DOCK4: variants seen among roughly 807,000 people sequenced by gnomAD.
The protein encoded by DOCK4 is dedicator of cytokinesis protein 4.
Under a neutral mutation model 268.1 loss-of-function variants are expected in DOCK4, and 97 were observed. The ratio of observed to expected loss-of-function variants is 0.36; its 90% CI spans 0.31 to 0.43. DOCK4 has a LOEUF of 0.43. Among genes scored for constraint, DOCK4 ranks in the 20% least tolerant of loss-of-function variants. The pLI is 1.00. For missense variants in DOCK4, 2,145 were observed against 2,455.7 expected, an observed-to-expected ratio of 0.87 and a Z score of 2.67; for synonymous variants, 954 against 887.2, an observed-to-expected ratio of 1.08 and a Z score of -1.34.
chr7:111,835,676 G>A (rs1765260837), intron 25 of DOCK4, among the ~76,000 whole-genome samples: 1 of 152,314 alleles, frequency 6.6e-6, no homozygotes, highest in African/African-American at 2.4e-5. Context: ...TTACAGAAGT[G>A]CAATTTAATT....
chr7:112,191,087 T>C (rs931402086), intron 1 of DOCK4, among the ~76,000 whole-genome samples: 1 of 152,134 alleles, frequency 6.6e-6, no homozygotes, highest in African/African-American at 2.4e-5. Context: ...TTTTGTTTAG[T>C]TTATTTGTTT....
chr7:112,100,570 C>T (rs1352272803), intron 1 of DOCK4, among the ~76,000 whole-genome samples: 1 of 152,218 alleles, frequency 6.6e-6, no homozygotes, highest in Non-Finnish European at 1.5e-5. Context: ...GAAAGCTTTT[C>T]CTGACTTTCC....
intron 8 of DOCK4, among the ~76,000 whole-genome samples, chr7:111,959,761 G>A (rs1796719195): frequency 6.6e-6 from 1 of 152,086 alleles, no homozygotes; most frequent in Admixed American, 6.5e-5. Flanking sequence ...CTCACCCATT[G>A]GAAGCTATGA....
intron 8 of DOCK4, among the ~76,000 whole-genome samples, chr7:111,949,765 C>A (rs1265082844): frequency 1.3e-5 from 2 of 152,162 alleles, no homozygotes; most frequent in African/African-American, 4.8e-5. Flanking sequence ...AGCCACTAAT[C>A]ACTCAGCAAA....
chr7:112,181,559 G>A (rs1819036609), intron 1 of DOCK4, among the ~76,000 whole-genome samples: 1 of 144,206 alleles, frequency 6.9e-6, no homozygotes, highest in South Asian at 2.2e-4. Context: ...AGGACTGCTT[G>A]AGCCCAGGAG....
intron 1 of DOCK4, among the ~76,000 whole-genome samples, chr7:112,149,490 A>G (rs1815843387): frequency 6.6e-6 from 1 of 152,144 alleles, no homozygotes. Context: ...TAGGAAAGAA[A>G]GAAATGACTT....
At chr7:111,768,485 CT>C (rs1243708961) in intron 37 of DOCK4, among the ~76,000 whole-genome samples, 1 of 152,144 alleles carries the variant, frequency 6.6e-6, no homozygotes, top group Non-Finnish European at 1.5e-5. Flanking sequence ...TTTTAATTTT[CT>C]GTTTAACCTT....
chr7:111,749,611 C>T (rs540931425), intron 42 of DOCK4, among the ~76,000 whole-genome samples: 1 of 152,116 alleles, frequency 6.6e-6, no homozygotes, highest in Non-Finnish European at 1.5e-5. Flanking sequence ...AGGCAAAATA[C>T]AAACGACTTG....
At position 112,135,738 on chromosome 7, in the gene DOCK4, C is replaced by T. The variant is rs542858446; in HGVS notation, c.37+70364G>A. On this transcript the variant is annotated intron_variant, in intron 1 of 52. Transcript: ENST00000428084. ...AATAGCTTTTTCTATTTCTTTTTTC[C>T]AAGAGTTCCATAAAATTGTTATCAG... Among the ~76,000 whole-genome samples the T allele has an allele frequency of 2.7e-5, 4 of 148,496 alleles. No individual in the cohort carries two copies. In the East Asian group the frequency reaches 5.9e-4, roughly 22 times the overall value.
intron 1 of DOCK4, among the ~76,000 whole-genome samples, chr7:112,041,056 G>A (rs1804309517): frequency 6.6e-6 from 1 of 152,054 alleles, no homozygotes; most frequent in Non-Finnish European, 1.5e-5. Flanking sequence ...TACCAGCTCA[G>A]GCTCAGATGC....
rs59052406 is a variant in DOCK4 at position 112,165,559 on chromosome 7, T to TGTGTGTGTGTGC, written c.37+40542_37+40543insGCACACACACAC. Among the ~76,000 whole-genome samples, 175 of 148,250 alleles carry TGTGTGTGTGTGC rather than the reference T, an allele frequency of 1.2e-3. 1 individual carries two copies. Among genetic ancestry groups the TGTGTGTGTGTGC allele is most frequent in the African/African-American group, 4.0e-3 (160 of 40,374 alleles). ...GTGTGTGTGTGTGTGTGTGTGTGTG[T>TGTGTGTGTGTGC]GCGTGTGTGTGTGTATCCCATTTCT... On this transcript the variant is annotated intron_variant, in intron 1 of 52. Coordinates refer to ENST00000428084, the MANE Select transcript of DOCK4 (RefSeq NM_001363540.2).
chr7:111,813,241 T>C (rs1801274235), intron 27 of DOCK4, among the ~76,000 whole-genome samples: 1 of 152,218 alleles, frequency 6.6e-6, no homozygotes, highest in Non-Finnish European at 1.5e-5. Flanking sequence ...AATTGGAGGA[T>C]GTATTTATGT....
At chr7:112,112,800 T>C (rs74670478) in intron 1 of DOCK4, among the ~76,000 whole-genome samples, 1,719 of 152,272 alleles carry the variant, frequency 0.011, 32 homozygotes, top group African/African-American at 0.039. Context: ...CTCAATCTCA[T>C]TGGCTCTTGA....
chr7:111,945,930 T>C (rs914967160), intron 8 of DOCK4, 132 bp from the exon 9 acceptor site: 1 of 669,740 alleles, frequency 1.5e-6, no homozygotes. Context: ...ATTGCTTATA[T>C]AAATTAGGAG....
intron 16 of DOCK4, among the ~76,000 whole-genome samples, chr7:111,888,558 C>G (rs1011932879): frequency 2.6e-5 from 4 of 151,900 alleles, no homozygotes; most frequent in Admixed American, 6.6e-5. Flanking sequence ...GCAATACAGC[C>G]TAGGGTGTGG....
chr7:111,976,160 A>C (rs1163701808), intron 8 of DOCK4, among the ~76,000 whole-genome samples: 3 of 78,436 alleles, frequency 3.8e-5, no homozygotes, highest in Admixed American at 3.6e-4. Flanking sequence ...AAAAAAAAAA[A>C]AATATATATA....
At chr7:111,990,202 G>A (rs1324813443) in intron 5 of DOCK4, among the ~76,000 whole-genome samples, 1 of 152,120 alleles carries the variant, frequency 6.6e-6, no homozygotes, top group Non-Finnish European at 1.5e-5. Flanking sequence ...TAGTACTAGA[G>A]TACTGTTATT....
Position 111,735,160 on chromosome 7 carries a change from G to T in DOCK4, c.5313C>A (p.Asn1771Lys), listed in dbSNP as rs768057665. The T allele has an allele frequency of 5.1e-6, 8 of 1,582,688 alleles. No individual in the cohort carries two copies. The highest frequency in any genetic ancestry group is 4.3e-6 in the Non-Finnish European group (5 of 1,163,534). The change falls in exon 51 of 53, where the codon AAC becomes AAA. Residue 1771 changes from asparagine to lysine, a missense_variant. Physicochemically the swap from Asn to Lys is moderately conservative, Grantham distance 94 (BLOSUM62 0). Transcript: ENST00000428084. The part of the protein sequence containing the change: ...PNLSAPEKAV[N>K]PTPSSWSLDS... The stretch of plus-strand genomic sequence containing the variant: ...CCAGGCTCCAGCTGCTAGGGGTGGG[G>T]TTCACAGCTGGAAGGGAATAACACA...
chr7:112,164,475 A>C (rs1389813383), intron 1 of DOCK4, among the ~76,000 whole-genome samples: 1 of 152,196 alleles, frequency 6.6e-6, no homozygotes. Context: ...TAATACTCAT[A>C]GCTGTTATTC....
Sources: allele counts gnomAD v4.1 joint callset (sites outside exome capture counted in the v4.1 genomes callset), GRCh38; gene constraint gnomAD v4.1.1; transcripts MANE v1.5; gene names NCBI Gene and HGNC (gene_info 2026-07-23, HGNC 2026-07-21).